Variants in SLC24A2 observed in about 807,000 individuals in gnomAD.
SLC24A2 encodes the protein sodium/potassium/calcium exchanger 2.
Under a neutral mutation model 62.0 loss-of-function variants are expected in SLC24A2, and 36 were observed. That is an observed-to-expected ratio of 0.58 (90% CI 0.44 to 0.77). The LOEUF (loss-of-function observed/expected upper bound fraction) is 0.77, where lower values mean the gene tolerates loss of function less well. Ranked by LOEUF, SLC24A2 falls within the 30% of genes least tolerant of loss-of-function variation. The pLI, the probability that SLC24A2 is intolerant of heterozygous loss-of-function variation, is 0.00. For synonymous variants in SLC24A2, 358 were observed against 294.0 expected (o/e 1.22, Z -2.23); for missense variants, 846 against 817.9 (o/e 1.03, Z -0.42).
At chr9:19,593,851 T>C (rs1244957018) in intron 5 of SLC24A2, among the ~76,000 whole-genome samples, 6 of 152,136 alleles carry the variant, frequency 3.9e-5, no homozygotes, top group Non-Finnish European at 8.8e-5. Flanking sequence ...TGAGTCTTAG[T>C]TTCCTCATCT....
At chr9:19,652,081 A>G (rs1268673429) in intron 2 of SLC24A2, among the ~76,000 whole-genome samples, 2 of 152,184 alleles carry the variant, frequency 1.3e-5, no homozygotes, top group East Asian at 3.8e-4. Flanking sequence ...GGAATTTCAA[A>G]TCTTTTTGAA....
the SLC24A2 span, among the ~76,000 whole-genome samples, chr9:20,262,088 A>G: frequency 6.6e-6 from 1 of 152,126 alleles, no homozygotes. Flanking sequence ...CATTGCTAAC[A>G]TGTTACATTT....
At chr9:20,116,951 T>C in the SLC24A2 span, among the ~76,000 whole-genome samples, 3 of 152,176 alleles carry the variant, frequency 2.0e-5, no homozygotes, top group African/African-American at 7.2e-5. Flanking sequence ...CTTGCAAGCA[T>C]ACTAGCTTTC....
At chr9:19,783,793 G>A (rs1823083286) in intron 2 of SLC24A2, among the ~76,000 whole-genome samples, 1 of 152,106 alleles carries the variant, frequency 6.6e-6, no homozygotes, top group Admixed American at 6.6e-5. Context: ...ATTTTTTTGA[G>A]AAGTACAAAA....
At chr9:19,634,000 T>TTC (rs1818245451) in intron 2 of SLC24A2, among the ~76,000 whole-genome samples, 2 of 152,194 alleles carry the variant, frequency 1.3e-5, no homozygotes, top group Non-Finnish European at 2.9e-5. Flanking sequence ...AGGTAGCAAG[T>TTC]CTAAGAATTC....
At position 19,769,650 on chromosome 9, in the gene SLC24A2, A is replaced by T. The variant is rs115119211; in HGVS notation, c.930+16287T>A. Reference sequence around the variant, plus strand: ...CTTACTGCCACTGACTGTGTTACCAATGTAATCAGCAGGGCTGCATCCTAC... The same window carrying T: ...CTTACTGCCACTGACTGTGTTACCATTGTAATCAGCAGGGCTGCATCCTAC... On this transcript the variant is annotated intron_variant, in intron 2 of 10. Transcript: ENST00000341998. 1.6e-3 allele frequency among the ~76,000 whole-genome samples: 249 copies of T among 152,276 alleles called. 4 individuals carry two copies. The highest frequency in any genetic ancestry group is 5.6e-3 in the African/African-American group (233 of 41,542).
the SLC24A2 span, among the ~76,000 whole-genome samples, chr9:20,279,334 C>A: frequency 6.6e-6 from 1 of 152,066 alleles, no homozygotes; most frequent in Admixed American, 6.5e-5. Context: ...AGTTCAAGAC[C>A]AGCTTGTCCA....
At chr9:19,854,677 C>A in the SLC24A2 span, among the ~76,000 whole-genome samples, 1 of 151,982 alleles carries the variant, frequency 6.6e-6, no homozygotes, top group East Asian at 1.9e-4. Context: ...GATTTTAGTT[C>A]TTTTGCATTT....
chr9:19,598,647 C>A (rs1836767355), intron 4 of SLC24A2, among the ~76,000 whole-genome samples: 1 of 151,132 alleles, frequency 6.6e-6, no homozygotes, highest in Non-Finnish European at 1.5e-5. Context: ...TGGGGATTGC[C>A]ATCAGTGAAA....
the SLC24A2 span, among the ~76,000 whole-genome samples, chr9:20,275,630 A>G: frequency 3.9e-5 from 6 of 152,194 alleles, no homozygotes; most frequent in African/African-American, 7.2e-5. Context: ...TTTTACTCCA[A>G]TGATATGTTG....
At chr9:20,222,070 A>G in the SLC24A2 span, among the ~76,000 whole-genome samples, 8 of 152,242 alleles carry the variant, frequency 5.3e-5, no homozygotes, top group East Asian at 1.5e-3. Flanking sequence ...GCTCATTGGT[A>G]GTAAAAGTAG....
the SLC24A2 span, among the ~76,000 whole-genome samples, chr9:19,985,681 T>A: frequency 1.3e-5 from 2 of 152,154 alleles, no homozygotes; most frequent in African/African-American, 4.8e-5. Context: ...TATGCATTTG[T>A]CAAAATGTGT....
At chr9:19,983,441 G>A in the SLC24A2 span, among the ~76,000 whole-genome samples, 2 of 152,088 alleles carry the variant, frequency 1.3e-5, no homozygotes, top group Admixed American at 6.5e-5. Context: ...TCAAGAGATC[G>A]AGACCATACT....
chr9:20,007,509 G>C, the SLC24A2 span, among the ~76,000 whole-genome samples: 1 of 152,050 alleles, frequency 6.6e-6, no homozygotes, highest in Non-Finnish European at 1.5e-5. Flanking sequence ...GTATACATGT[G>C]TGAATATATA....
the SLC24A2 span, among the ~76,000 whole-genome samples, chr9:20,112,912 C>T: frequency 3.3e-5 from 5 of 151,914 alleles, no homozygotes; most frequent in South Asian, 2.1e-4. Flanking sequence ...CATCTCTGAA[C>T]GTCAGACTAA....
chr9:20,177,757 T>C, the SLC24A2 span, among the ~76,000 whole-genome samples: 8 of 152,176 alleles, frequency 5.3e-5, no homozygotes, highest in Non-Finnish European at 8.8e-5. Context: ...CTAGTATCTA[T>C]TGAGAGTTGA....
chr9:20,226,452 C>T, the SLC24A2 span, among the ~76,000 whole-genome samples: 1 of 152,132 alleles, frequency 6.6e-6, no homozygotes, highest in Admixed American at 6.6e-5. Flanking sequence ...CAGCCTTTAC[C>T]TTCAAAACCA....
At position 19,513,188 on chromosome 9, in the gene SLC24A2, A is replaced by ATATATATATG. The variant is rs1231507740; in HGVS notation, c.*2964_*2965insCATATATATA. Reference sequence around the variant, plus strand: ...TATATATATATATGTATATATATATATATGTATATATTTATATATGTATAT... The same window carrying ATATATATATG: ...TATATATATATATGTATATATATATATATATATATGTATGTATATATTTATATATGTATAT... On this transcript the variant is annotated 3_prime_UTR_variant, in exon 11 of 11. Coordinates refer to ENST00000341998, the MANE Select transcript of SLC24A2 (RefSeq NM_020344.4). 180 of 140,350 alleles carry ATATATATATG rather than the reference A, an allele frequency of 1.3e-3. No homozygotes were observed. Among genetic ancestry groups the ATATATATATG allele is most frequent in the Non-Finnish European group, 2.2e-3 (146 of 65,722 alleles). The allele number at this position is 140,350 out of a possible 1,614,324, so 8.7% of individuals were successfully genotyped here.
At chr9:19,790,796 C>A (rs547564680), upstream of SLC24A2, among the ~76,000 whole-genome samples, 1 of 152,258 alleles carries the variant, frequency 6.6e-6, no homozygotes, top group South Asian at 2.1e-4. Flanking sequence ...GTTTAACAAT[C>A]CTATTCTTCC....
Sources: gnomAD v4.1 joint callset for allele counts (sites outside exome capture counted in the v4.1 genomes callset) on GRCh38, gnomAD v4.1.1 for gene constraint, MANE v1.5 for transcripts, NCBI Gene and HGNC (gene_info 2026-07-23, HGNC 2026-07-21) for gene names.